The following GNLY variants were observed in gnomAD, a reference collection of about 807,000 sequenced individuals.
GNLY encodes the protein T-cell activation protein 519.
Under a neutral mutation model 18.5 loss-of-function variants are expected in GNLY, and 15 were observed. The ratio of observed to expected loss-of-function variants is 0.81; its 90% CI spans 0.54 to 1.25. GNLY has a LOEUF of 1.25. GNLY is among the 50% of genes most tolerant of loss of function. The pLI, the probability that GNLY is intolerant of heterozygous loss-of-function variation, is 0.00. For synonymous variants in GNLY, 77 were observed against 74.9 expected, an observed-to-expected ratio of 1.03 and a Z score of -0.14; for missense variants, 178 against 186.9, an observed-to-expected ratio of 0.95 and a Z score of 0.28.
intron 3 of GNLY, 121 bp from the exon 4 acceptor site, chr2:85,697,385 C>A: frequency 1.2e-6 from 1 of 847,338 alleles, no homozygotes; most frequent in Non-Finnish European, 1.9e-6. Context: ...GCCCCATGGG[C>A]ACCAGGTGCC....
intron 1 of GNLY, chr2:85,695,058 A>G: frequency 6.8e-7 from 1 of 1,461,322 alleles, no homozygotes; most frequent in Non-Finnish European, 9.4e-7. Flanking sequence ...CCGACCCCCA[A>G]ATCTGTGTTG....
chr2:85,698,322 C>T (rs1678539665), intron 4 of GNLY: 1 of 710,102 alleles, frequency 1.4e-6, no homozygotes, highest in Non-Finnish European at 2.5e-6. Flanking sequence ...CTTGCCAATG[C>T]TCTGGGATTT....
At chr2:85,697,332 G>C in intron 3 of GNLY, 174 bp from the exon 4 acceptor site, 1 of 617,242 alleles carries the variant, frequency 1.6e-6, no homozygotes, top group South Asian at 2.0e-5. Context: ...GCCAGGCCTT[G>C]GGGACTGGGA....
At chr2:85,698,291 G>T (rs2104449351) in intron 4 of GNLY, 1 of 675,036 alleles carries the variant, frequency 1.5e-6, no homozygotes, top group Middle Eastern at 3.4e-4. Flanking sequence ...TCGGTGATTG[G>T]CTCTGGCAGC....
intron 3 of GNLY, 184 bp from the exon 4 acceptor site, chr2:85,697,322 G>T: frequency 1.7e-6 from 1 of 602,658 alleles, no homozygotes; most frequent in South Asian, 2.0e-5. Flanking sequence ...CCAGTCTTGG[G>T]CCAGGCCTTG....
At chr2:85,696,191 G>A (rs1043989785) in intron 3 of GNLY, 135 bp downstream of exon 3, 67 of 608,934 alleles carry the variant, frequency 1.1e-4, no homozygotes, top group Non-Finnish European at 1.8e-4. Context: ...AAGGGAATCT[G>A]TGAGTCCCCG....
At chr2:85,694,900 C>T in intron 1 of GNLY, 1 of 1,555,178 alleles carries the variant, frequency 6.4e-7, no homozygotes. Context: ...GCCCCCTGCA[C>T]CCTGCTCTCT....
At chr2:85,694,555 T>C in intron 1 of GNLY, 85 bp downstream of exon 1, 1 of 1,398,056 alleles carries the variant, frequency 7.2e-7, no homozygotes, top group Non-Finnish European at 1.0e-6. Context: ...TTGGACTCTG[T>C]GGGCACCCAG....
At chr2:85,694,702 T>C in intron 1 of GNLY, 1 of 1,418,352 alleles carries the variant, frequency 7.1e-7, no homozygotes, top group Non-Finnish European at 9.3e-7. Context: ...ATTCTGGTCC[T>C]AACTCTACTG....
chr2:85,695,575 G>C, intron 2 of GNLY, 152 bp downstream of exon 2: 1 of 639,902 alleles, frequency 1.6e-6, no homozygotes, highest in Non-Finnish European at 2.8e-6. Flanking sequence ...TTGAATTCAT[G>C]TCTGGCCAGG....
chr2:85,698,264 G>A (rs1039648522), intron 4 of GNLY: 14 of 626,876 alleles, frequency 2.2e-5, no homozygotes, highest in African/African-American at 1.1e-4. Context: ...TGTAGGAAAT[G>A]GGGCCAGAAA....
chr2:85,694,408 G>C lies in GNLY; in HGVS notation c.-11G>C. 1 of 1,613,748 alleles carries C rather than the reference G, an allele frequency of 6.2e-7. No homozygotes were observed. The highest frequency in any genetic ancestry group is 8.5e-7 in the Non-Finnish European group (1 of 1,179,682). ...ACAGGGTGTGAAAGGCATCTCAGCG[G>C]CTGCCCCACCATGGCTACCTGGGCC... On this transcript the variant is annotated 5_prime_UTR_variant, in exon 1 of 5. Transcript: ENST00000263863.
chr2:85,698,820 T>C lies in GNLY; in HGVS notation c.*246T>C. 1.4e-6 allele frequency: 2 copies of C among 1,450,054 alleles called. No individual in the cohort carries two copies. The highest frequency in any genetic ancestry group is 1.4e-5 in the African/African-American group (1 of 70,470). The allele number at this position is 1,450,054 out of a possible 1,614,324, so 89.8% of individuals were successfully genotyped here. A position where few individuals can be genotyped will look rare whatever the true frequency, so the allele number is the denominator to read the frequency against. ...CAGTGGCATGCTGGGGTGAGCTGTG[T>C]AGTCCTTCAATAAATGTCTGTCGTG... On this transcript the variant is annotated 3_prime_UTR_variant, in exon 5 of 5. Coordinates refer to ENST00000263863, the MANE Select transcript of GNLY (RefSeq NM_006433.5).
intron 4 of GNLY, 98 bp downstream of exon 4, chr2:85,697,775 C>A: frequency 3.7e-6 from 3 of 820,766 alleles, no homozygotes; most frequent in Admixed American, 2.4e-5. Flanking sequence ...CATCTCCCAG[C>A]TTGGGAAAGT....
intron 2 of GNLY, 51 bp from the exon 3 acceptor site, chr2:85,695,907 G>A (rs919193607): frequency 4.7e-6 from 5 of 1,059,648 alleles, no homozygotes; most frequent in East Asian, 4.8e-5. Flanking sequence ...GCACTTTCAC[G>A]CGCTCCCAGA....
chr2:85,694,775 G>C lies in GNLY; in HGVS notation c.52+305G>C, dbSNP rs552941557. 42 of 1,442,638 alleles carry C rather than the reference G, an allele frequency of 2.9e-5. No individual in the cohort carries two copies. In the African/African-American group the frequency reaches 5.6e-4, roughly 19 times the overall value. 89.4% of individuals were successfully genotyped at this position (1,442,638 alleles called of 1,614,324 possible). A position where few individuals can be genotyped will look rare whatever the true frequency, so the allele number is the denominator to read the frequency against. Reference sequence around the variant, plus strand: ...AAGCCCCTGCCTCCGCATCTGCGTGGTGAAGGCCATTGGCCCTCATCGGTG... The same window carrying C: ...AAGCCCCTGCCTCCGCATCTGCGTGCTGAAGGCCATTGGCCCTCATCGGTG... On this transcript the variant is annotated intron_variant, in intron 1 of 4. Transcript: ENST00000263863.
chr2:85,695,551 C>T (rs879577878), intron 2 of GNLY, 128 bp downstream of exon 2: 23 of 659,974 alleles, frequency 3.5e-5, no homozygotes, highest in Middle Eastern at 3.9e-4. Flanking sequence ...CTGTTTCTGA[C>T]GATGCTGGTT....
At chr2:85,697,962 G>A (rs887175960) in intron 4 of GNLY, among the ~76,000 whole-genome samples, 1 of 152,206 alleles carries the variant, frequency 6.6e-6, no homozygotes, top group Non-Finnish European at 1.5e-5. Context: ...CTGTGAAGGG[G>A]AGATAGCAAT....
chr2:85,698,725 C>G lies in GNLY; in HGVS notation c.*151C>G, dbSNP rs12845. On this transcript the variant is annotated 3_prime_UTR_variant, in exon 5 of 5. Coordinates refer to ENST00000263863, the MANE Select transcript of GNLY (RefSeq NM_006433.5). ...CTCCCTCTGCTGTCCTCCCCTCTCA[C>G]GAGAATAAAGTGTCAAGCAAGATTT... 615,744 of 1,559,130 alleles carry G rather than the reference C, an allele frequency of 0.39. 123,453 individuals are homozygous for G. Among genetic ancestry groups the G allele is most frequent in the East Asian group, 0.58 (24,851 of 42,544 alleles).
Sources: gnomAD v4.1 joint callset for allele counts (sites outside exome capture counted in the v4.1 genomes callset) on GRCh38, gnomAD v4.1.1 for gene constraint, MANE v1.5 for transcripts, NCBI Gene and HGNC (gene_info 2026-07-23, HGNC 2026-07-21) for gene names.